Variants in ROBO2 observed in about 807,000 individuals in gnomAD.
ROBO2 encodes roundabout guidance receptor 2.
In ROBO2, 53 loss-of-function variants were observed where a neutral mutation model predicts 160.8. The observed-to-expected ratio is 0.33, with a 90% CI of 0.26 to 0.41. ROBO2 has a LOEUF of 0.41. Among genes scored for constraint, ROBO2 ranks in the 10% least tolerant of loss-of-function variants. The pLI, the probability that ROBO2 is intolerant of heterozygous loss-of-function variation, is 1.00. For missense variants in ROBO2, 1,577 were observed against 1,722.4 expected (o/e 0.92, Z 1.49); for synonymous variants, 664 against 611.7 (o/e 1.09, Z -1.26).
chr3:76,699,883 CT>C (rs1490839853), intron 2 of ROBO2, among the ~76,000 whole-genome samples: 1 of 152,072 alleles, frequency 6.6e-6, no homozygotes, highest in Non-Finnish European at 1.5e-5. Flanking sequence ...CCATGGGTTT[CT>C]CTGTAACACT....
At chr3:76,832,686 C>T (rs895467065) in intron 2 of ROBO2, among the ~76,000 whole-genome samples, 9 of 152,104 alleles carry the variant, frequency 5.9e-5, no homozygotes, top group South Asian at 2.1e-4. Flanking sequence ...CAAGTACAAA[C>T]GGTTTCAGGA....
chr3:76,959,445 C>A (rs1011886099), intron 2 of ROBO2, among the ~76,000 whole-genome samples: 2 of 152,122 alleles, frequency 1.3e-5, no homozygotes, highest in Non-Finnish European at 2.9e-5. Flanking sequence ...TGATCTCAGA[C>A]CCATTGTAGA....
rs532985446 is a variant in ROBO2, at chr3:77,103,293, G to A, written c.388+4953G>A. On this transcript the variant is annotated intron_variant, in intron 2 of 25. Transcript: ENST00000461745. The stretch of plus-strand genomic sequence containing the variant: ...ATGAAGTCCCCAGATTATTTTTTCC[G>A]TTTCCTTTTCTCAGCACTGTGCCAG... Among the ~76,000 whole-genome samples the A allele has an allele frequency of 7.9e-5, 12 of 152,230 alleles. No individual in the cohort carries two copies. In the South Asian group the frequency reaches 1.5e-3, roughly 18 times the overall value.
intron 6 of ROBO2, among the ~76,000 whole-genome samples, chr3:77,531,737 T>C (rs2091744655): frequency 6.6e-6 from 1 of 152,120 alleles, no homozygotes; most frequent in Non-Finnish European, 1.5e-5. Context: ...AAAGGTATTA[T>C]GTATGAACCT....
Position 77,289,180 on chromosome 3 carries a change from G to A in ROBO2, c.389-188234G>A, listed in dbSNP as rs548434972. On this transcript the variant is annotated intron_variant, in intron 2 of 25. Coordinates refer to ENST00000461745, the Ensembl canonical transcript of ROBO2. ...AAATAAATATAAAATTAGCACTGAT[G>A]TGAGGGGAGGTGCTTGATACTCTGA... is the stretch of plus-strand genomic sequence containing the variant. 2.0e-5 allele frequency among the ~76,000 whole-genome samples: 3 copies of A among 152,286 alleles called. No individual in the cohort carries two copies. The South Asian group carries it at 6.2e-4, about 32-fold the overall frequency.
At chr3:77,603,100 C>A (rs538379659) in intron 20 of ROBO2, 2 of 456,452 alleles carry the variant, frequency 4.4e-6, no homozygotes, top group South Asian at 3.1e-5. Flanking sequence ...TTGTTTGTCA[C>A]CAGCGTATGA....
In ROBO2 at chr3:76,119,142, G is replaced by A. The variant is rs138818757; in HGVS notation, c.109+181540G>A. ...AAACGAGCTGTGTTAAATTGCTTATGTAAAGTAGGAAGGCTGTTTTTATTC... is the reference window on the plus strand; with the variant it reads ...AAACGAGCTGTGTTAAATTGCTTATATAAAGTAGGAAGGCTGTTTTTATTC... On this transcript the variant is annotated intron_variant, in intron 2 of 26. Coordinates refer to the ROBO2 transcript ENST00000487694. Among the ~76,000 whole-genome samples the A allele has an allele frequency of 1.4e-4, 22 of 152,284 alleles. No homozygotes were observed. In the East Asian group the frequency reaches 4.1e-3, roughly 28 times the overall value.
At chr3:76,073,426 G>A (rs966527799) in intron 2 of ROBO2, among the ~76,000 whole-genome samples, 11 of 151,020 alleles carry the variant, frequency 7.3e-5, no homozygotes, top group African/African-American at 2.2e-4. Context: ...CGGAGTAGCT[G>A]GGACTACAGG....
At chr3:76,036,729 C>A (rs556925911) in intron 2 of ROBO2, among the ~76,000 whole-genome samples, 2 of 151,916 alleles carry the variant, frequency 1.3e-5, no homozygotes, top group East Asian at 3.9e-4. Flanking sequence ...GTCTCGAACT[C>A]CCGACCTCAG....
chr3:77,287,773 A>G (rs1242603782), intron 2 of ROBO2, among the ~76,000 whole-genome samples: 1 of 152,156 alleles, frequency 6.6e-6, no homozygotes, highest in South Asian at 2.1e-4. Context: ...TTTCTTTTGC[A>G]GATTGTACTC....
chr3:77,629,436 A>G (rs905321841), intron 23 of ROBO2: 1 of 152,156 alleles, frequency 6.6e-6, no homozygotes, highest in Non-Finnish European at 1.5e-5. Flanking sequence ...AAAGAAACTC[A>G]ACTATTTTTA....
At chr3:77,590,271 A>G (rs1364080010) in intron 17 of ROBO2, among the ~76,000 whole-genome samples, 2 of 152,140 alleles carry the variant, frequency 1.3e-5, no homozygotes, top group African/African-American at 2.4e-5. Context: ...TCATTTTGCC[A>G]TTCTCATTTC....
chr3:77,551,016 T>A (rs533677060), intron 8 of ROBO2, 27 bp downstream of exon 9: 1 of 1,610,282 alleles, frequency 6.2e-7, no homozygotes, highest in East Asian at 2.2e-5. Context: ...AGATTTGTCT[T>A]ATGAAAACAT....
intron 2 of ROBO2, among the ~76,000 whole-genome samples, chr3:77,424,251 G>A (rs753145066): frequency 3.9e-5 from 6 of 152,084 alleles, no homozygotes; most frequent in African/African-American, 7.2e-5. Context: ...TTTAAAGGAC[G>A]GGTAGAATTT....
chr3:77,147,605 G>A (rs971045352), intron 2 of ROBO2, among the ~76,000 whole-genome samples: 2 of 152,172 alleles, frequency 1.3e-5, no homozygotes, highest in Non-Finnish European at 2.9e-5. Flanking sequence ...AAAGCACACC[G>A]TTGTATGTTA....
intron 2 of ROBO2, among the ~76,000 whole-genome samples, chr3:77,318,834 T>C (rs2064348433): frequency 1.3e-5 from 2 of 152,166 alleles, no homozygotes; most frequent in African/African-American, 4.8e-5. Context: ...AAATTAAAGA[T>C]GGTTGAAATT....
At chr3:76,778,139 C>T (rs1222885979) in intron 2 of ROBO2, among the ~76,000 whole-genome samples, 1 of 151,082 alleles carries the variant, frequency 6.6e-6, no homozygotes, top group Non-Finnish European at 1.5e-5. Flanking sequence ...TGAGCCTCCC[C>T]TGCTTCATTC....
At chr3:77,488,487 A>C (rs2085657322) in intron 4 of ROBO2, among the ~76,000 whole-genome samples, 1 of 152,230 alleles carries the variant, frequency 6.6e-6, no homozygotes, top group Non-Finnish European at 1.5e-5. Context: ...CATGTTTTAA[A>C]ATTAAGTTTG....
intron 2 of ROBO2, among the ~76,000 whole-genome samples, chr3:76,463,913 C>T (rs1323776631): frequency 6.6e-6 from 1 of 152,174 alleles, no homozygotes; most frequent in Non-Finnish European, 1.5e-5. Context: ...CTAGTTAAGT[C>T]ACCTAAAATC....
Sources: gnomAD v4.1 joint callset for allele counts (sites outside exome capture counted in the v4.1 genomes callset) on GRCh38, gnomAD v4.1.1 for gene constraint, MANE v1.5 for transcripts, NCBI Gene and HGNC (gene_info 2026-07-23, HGNC 2026-07-21) for gene names.